The following C8orf34 variants were observed in gnomAD, a reference collection of about 807,000 sequenced individuals.
The protein encoded by C8orf34 is uncharacterized protein C8orf34.
In C8orf34, 65 loss-of-function variants were observed where a neutral mutation model predicts 68.3. The observed-to-expected ratio is 0.95, with a 90% CI of 0.78 to 1.17. The LOEUF is 1.17. Ranked by LOEUF, C8orf34 falls within the 50% of genes most tolerant of loss-of-function variation. The pLI is 0.00. For synonymous variants in C8orf34, 244 were observed against 241.2 expected, an observed-to-expected ratio of 1.01 and a Z score of -0.11; for missense variants, 664 against 655.4, an observed-to-expected ratio of 1.01 and a Z score of -0.14.
chr8:68,499,021 C>T (rs900408947), intron 5 of C8orf34, among the ~76,000 whole-genome samples: 1 of 152,284 alleles, frequency 6.6e-6, no homozygotes, highest in South Asian at 2.1e-4. Flanking sequence ...AAGATCCCAT[C>T]AACCAGGTAG....
intron 5 of C8orf34, among the ~76,000 whole-genome samples, chr8:68,507,629 C>G (rs1814080720): frequency 6.6e-6 from 1 of 152,144 alleles, no homozygotes; most frequent in South Asian, 2.1e-4. Context: ...TTGTTAACCT[C>G]TTTGGCCACT....
At chr8:68,332,857 A>G (rs1805688630) in intron 1 of C8orf34, among the ~76,000 whole-genome samples, 1 of 152,210 alleles carries the variant, frequency 6.6e-6, no homozygotes, top group African/African-American at 2.4e-5. Flanking sequence ...AATAAAATTG[A>G]TGGAACTACC....
chr8:68,437,298 T>A (rs138481748), intron 1 of C8orf34, among the ~76,000 whole-genome samples: 4 of 152,298 alleles, frequency 2.6e-5, no homozygotes, highest in South Asian at 2.1e-4. Context: ...TTCCATCTAC[T>A]CTGAAAGGTA....
At chr8:68,520,415 C>A (rs533028509) in intron 5 of C8orf34, among the ~76,000 whole-genome samples, 4 of 152,182 alleles carry the variant, frequency 2.6e-5, no homozygotes, top group African/African-American at 9.6e-5. Context: ...AGTCTGAAGA[C>A]TCAGAACACC....
At chr8:68,560,242 A>T (rs1055463778) in intron 7 of C8orf34, among the ~76,000 whole-genome samples, 2 of 151,936 alleles carry the variant, frequency 1.3e-5, no homozygotes, top group East Asian at 3.9e-4. Context: ...GACAGTTCAC[A>T]CACATGCAGT....
rs1805549978 is a variant in C8orf34 at position 68,331,005 on chromosome 8, C to G, written c.-8C>G. 8 of 1,402,532 alleles carry G rather than the reference C, an allele frequency of 5.7e-6. No individual in the cohort carries two copies. The highest frequency in any genetic ancestry group is 1.5e-5 in the African/African-American group (1 of 65,650). The allele number at this position is 1,402,532 out of a possible 1,614,324, so 86.9% of individuals were successfully genotyped here. Reference sequence around the variant, plus strand: ...GCGAGGGTGGGCGCGAGGCGGAGAACGCGATGAATGAGTTCTCCCCTCGCC... The same window carrying G: ...GCGAGGGTGGGCGCGAGGCGGAGAAGGCGATGAATGAGTTCTCCCCTCGCC... On this transcript the variant is annotated 5_prime_UTR_variant, in exon 1 of 14. Transcript: ENST00000518698.
At chr8:68,608,522 C>T (rs1403249862) in intron 7 of C8orf34, among the ~76,000 whole-genome samples, 1 of 151,364 alleles carries the variant, frequency 6.6e-6, no homozygotes, top group Non-Finnish European at 1.5e-5. Context: ...TGCTAAGGAA[C>T]AGCATGATGT....
At chr8:68,436,664 T>C (rs944216984) in intron 1 of C8orf34, among the ~76,000 whole-genome samples, 1 of 152,174 alleles carries the variant, frequency 6.6e-6, no homozygotes, top group African/African-American at 2.4e-5. Context: ...TTCCTACTGG[T>C]GTTCAGCTTA....
At chr8:68,519,137 C>T (rs552638722) in intron 5 of C8orf34, among the ~76,000 whole-genome samples, 3 of 152,052 alleles carry the variant, frequency 2.0e-5, no homozygotes, top group Non-Finnish European at 4.4e-5. Flanking sequence ...AGTGACTGTT[C>T]GAAGTATCAG....
At chr8:68,565,248 T>C (rs1039495564) in intron 7 of C8orf34, among the ~76,000 whole-genome samples, 4 of 152,220 alleles carry the variant, frequency 2.6e-5, no homozygotes, top group African/African-American at 9.6e-5. Flanking sequence ...GTTTTCAGAA[T>C]TGGATCGTTG....
chr8:68,487,352 C>T lies in C8orf34; in HGVS notation c.737-671C>T, dbSNP rs1813121835. Reference sequence around the variant, plus strand: ...CAGTAAAGTGGAATTGATAGTGTATCATCACAGAGAAATAAGTTAAGGACT... The same window carrying T: ...CAGTAAAGTGGAATTGATAGTGTATTATCACAGAGAAATAAGTTAAGGACT... On this transcript the variant is annotated intron_variant, in intron 4 of 13. Coordinates refer to ENST00000518698, the MANE Select transcript of C8orf34 (RefSeq NM_052958.4). 2.0e-5 allele frequency among the ~76,000 whole-genome samples: 3 copies of T among 152,074 alleles called. No homozygotes were observed. The South Asian group carries it at 6.2e-4, about 32-fold the overall frequency.
At chr8:68,461,335 A>G (rs1205350383) in intron 3 of C8orf34, among the ~76,000 whole-genome samples, 5 of 152,350 alleles carry the variant, frequency 3.3e-5, no homozygotes, top group Non-Finnish European at 4.4e-5. Flanking sequence ...TGAAAGTGAC[A>G]GGGAGAATGG....
chr8:68,445,503 T>A (rs1488977686), intron 2 of C8orf34, among the ~76,000 whole-genome samples: 3 of 152,174 alleles, frequency 2.0e-5, no homozygotes, highest in Non-Finnish European at 1.5e-5. Context: ...GATGAACTCT[T>A]GAAACACCCT....
chr8:68,722,151 G>A (rs1275392011), intron 10 of C8orf34, among the ~76,000 whole-genome samples: 1 of 151,920 alleles, frequency 6.6e-6, no homozygotes, highest in Non-Finnish European at 1.5e-5. Flanking sequence ...GTGTTGGCAG[G>A]GCTGCTTGCT....
rs532427814 is a variant in C8orf34 at position 68,469,787 on chromosome 8, TA to T, written c.736+968del. Reference sequence around the variant, plus strand: ...CTAGTGGATTATATTTTAGGATCTCTATTTTTATTTTAGATTGCAGAATCTT... The same window carrying T: ...CTAGTGGATTATATTTTAGGATCTCTTTTTTATTTTAGATTGCAGAATCTT... On this transcript the variant is annotated intron_variant, in intron 4 of 13. Transcript: ENST00000518698. 8.9e-4 allele frequency among the ~76,000 whole-genome samples: 135 copies of T among 152,158 alleles called. 1 individual carries two copies. The highest frequency in any genetic ancestry group is 1.7e-3 in the Non-Finnish European group (117 of 67,956).
chr8:68,597,923 CTAGATT>C (rs775951745), intron 7 of C8orf34, among the ~76,000 whole-genome samples: 28 of 152,062 alleles, frequency 1.8e-4, no homozygotes, highest in Admixed American at 4.6e-4. Flanking sequence ...TTACAACTAG[CTAGATT>C]TAAAGTACTT....
rs910622864 is a variant in C8orf34 at position 68,779,129 on chromosome 8, A to T, written c.1455+2680A>T. On this transcript the variant is annotated intron_variant, in intron 11 of 13. Coordinates refer to ENST00000518698, the MANE Select transcript of C8orf34 (RefSeq NM_052958.4). Reference sequence around the variant, plus strand: ...GAGTTTGAGTCTGCATTGAGCTGTGATCTCGCCACTGCACTCCAGCCTGCG... The same window carrying T: ...GAGTTTGAGTCTGCATTGAGCTGTGTTCTCGCCACTGCACTCCAGCCTGCG... Among the ~76,000 whole-genome samples the T allele has an allele frequency of 2.0e-4, 30 of 150,208 alleles. No individual in the cohort carries two copies. The Admixed American group carries it at 2.0e-3, about 10-fold the overall frequency.
intron 7 of C8orf34, among the ~76,000 whole-genome samples, chr8:68,618,940 A>G (rs1261347049): frequency 6.6e-6 from 1 of 152,188 alleles, no homozygotes; most frequent in Non-Finnish European, 1.5e-5. Context: ...TACCATGGAT[A>G]ATGTGTTACT....
At chr8:68,679,719 C>T (rs1820306196) in intron 8 of C8orf34, among the ~76,000 whole-genome samples, 1 of 152,038 alleles carries the variant, frequency 6.6e-6, no homozygotes, top group Admixed American at 6.6e-5. Context: ...ATGGTACTGG[C>T]ATAAAAACAG....
Sources: gnomAD v4.1 joint callset for allele counts (sites outside exome capture counted in the v4.1 genomes callset) on GRCh38, gnomAD v4.1.1 for gene constraint, MANE v1.5 for transcripts, NCBI Gene and HGNC (gene_info 2026-07-23, HGNC 2026-07-21) for gene names.